SLC6A15: variants seen among roughly 807,000 people sequenced by gnomAD.
SLC6A15 encodes the protein sodium-dependent neutral amino acid transporter B(0)AT2.
Under a neutral mutation model 68.5 loss-of-function variants are expected in SLC6A15, and 33 were observed. The observed-to-expected ratio is 0.48, with a 90% CI of 0.37 to 0.64. SLC6A15 has a LOEUF of 0.64. Among genes scored for constraint, SLC6A15 ranks in the 30% least tolerant of loss-of-function variants. The pLI, the probability that SLC6A15 is intolerant of heterozygous loss-of-function variation, is 0.00. For missense variants in SLC6A15, 747 were observed against 874.3 expected (o/e 0.85, Z 1.84); for synonymous variants, 347 against 301.0 (o/e 1.15, Z -1.58).
At chr12:84,864,774 G>A (rs907144034) in intron 10 of SLC6A15, among the ~76,000 whole-genome samples, 2 of 152,030 alleles carry the variant, frequency 1.3e-5, no homozygotes, top group African/African-American at 4.8e-5. Context: ...TCACAGTTCT[G>A]TGTTCTTTTG....
chr12:84,908,917 T>C (rs1458098330), intron 1 of SLC6A15, among the ~76,000 whole-genome samples: 2 of 152,104 alleles, frequency 1.3e-5, no homozygotes, highest in African/African-American at 4.8e-5. Context: ...AAAAAACTAC[T>C]GTATGATATT....
In SLC6A15 at chr12:84,883,953, C is replaced by A; in HGVS notation, c.662G>T (p.Ser221Ile). The A allele has an allele frequency of 6.2e-7, 1 of 1,614,184 alleles. No homozygotes were observed. The highest frequency in any genetic ancestry group is 8.5e-7 in the Non-Finnish European group (1 of 1,180,022). ...ALNISSSISE[S>I]GGLNWKMTIC... ...GGTCATCTTCCAGTTTAAGCCCCCA[C>A]TTTCAGAAATGGAACTTGAAATATT... Residue 221 changes from serine to isoleucine, a missense_variant, in exon 5 of 12, where the codon AGT becomes ATT. Physicochemically the swap from Ser to Ile is moderately radical, Grantham distance 142. Coordinates refer to ENST00000266682, the MANE Select transcript of SLC6A15 (RefSeq NM_182767.6).
intron 1 of SLC6A15, among the ~76,000 whole-genome samples, chr12:84,893,726 G>C (rs1872522818): frequency 6.6e-6 from 1 of 152,124 alleles, no homozygotes. Context: ...AAAGTGTTGG[G>C]TAACCCAGTG....
intron 8 of SLC6A15, among the ~76,000 whole-genome samples, chr12:84,871,061 A>G (rs533559139): frequency 1.3e-5 from 2 of 151,812 alleles, no homozygotes; most frequent in South Asian, 4.1e-4. Context: ...ATATACAACT[A>G]TTTCTGGCTC....
At chr12:84,888,742 T>C (rs1214679073) in intron 2 of SLC6A15, among the ~76,000 whole-genome samples, 1 of 152,148 alleles carries the variant, frequency 6.6e-6, no homozygotes, top group East Asian at 1.9e-4. Context: ...AAAAATCCAC[T>C]TCTACTCCAA....
intron 8 of SLC6A15, among the ~76,000 whole-genome samples, chr12:84,872,008 A>G (rs980935210): frequency 6.6e-6 from 1 of 152,052 alleles, no homozygotes; most frequent in Non-Finnish European, 1.5e-5. Flanking sequence ...AATTACAAAA[A>G]TTAGCCAGGT....
At chr12:84,889,364 C>T (rs1872274371) in intron 2 of SLC6A15, among the ~76,000 whole-genome samples, 1 of 151,968 alleles carries the variant, frequency 6.6e-6, no homozygotes, top group African/African-American at 2.4e-5. Context: ...GTGGCGGGCG[C>T]CTGCAGTCCC....
chr12:84,879,539 TG>T (rs1871724239), intron 5 of SLC6A15, among the ~76,000 whole-genome samples: 1 of 151,726 alleles, frequency 6.6e-6, no homozygotes, highest in African/African-American at 2.4e-5. Flanking sequence ...TTGCCCAGGC[TG>T]GTCTCAAACT....
chr12:84,869,031 G>T (rs1345665955), intron 9 of SLC6A15, among the ~76,000 whole-genome samples: 2 of 152,118 alleles, frequency 1.3e-5, no homozygotes, highest in African/African-American at 4.8e-5. Context: ...TTAACAGACT[G>T]CTGAAATTAA....
At position 84,872,584 on chromosome 12, in the gene SLC6A15, C is replaced by A. The variant is rs556132036; in HGVS notation, c.1302+18G>T. The stretch of plus-strand genomic sequence containing the variant: ...AGTGAATGATAATTATTTTATTGCT[C>A]AAACATGGCTTACTAACTTTATTTA... On this transcript the variant is annotated intron_variant, in intron 8 of 11. Coordinates refer to ENST00000266682, the MANE Select transcript of SLC6A15 (RefSeq NM_182767.6). The A allele has an allele frequency of 3.8e-6, 6 of 1,592,648 alleles. No individual in the cohort carries two copies. In the South Asian group the frequency reaches 6.8e-5, roughly 18 times the overall value.
rs866768953 is a variant in SLC6A15, at chr12:84,885,554, T to C, written c.455A>G (p.Tyr152Cys). The C allele has an allele frequency of 6.2e-7, 1 of 1,612,502 alleles. No individual in the cohort carries two copies. Residue 152 changes from tyrosine to cysteine, a missense_variant, in exon 4 of 12, where the codon TAT (tyrosine) becomes TGT (cysteine). By Grantham distance (194) the Tyr-to-Cys change is radical. Coordinates refer to ENST00000266682, the MANE Select transcript of SLC6A15 (RefSeq NM_182767.6). ...GIGFASCVVCYFVALYYNVII... is the reference protein window; with the variant it reads ...GIGFASCVVCCFVALYYNVII... ...GACGTTGTAGTAGAGAGCTACAAAA[T>C]AGCACACCTGCAAAATAAAATGATA... is the stretch of plus-strand genomic sequence containing the variant.
At chr12:84,864,320 CTT>C (rs551232166) in intron 10 of SLC6A15, among the ~76,000 whole-genome samples, 55 of 131,718 alleles carry the variant, frequency 4.2e-4, no homozygotes, top group African/African-American at 1.3e-3. Flanking sequence ...TTCTTTCTTT[CTT>C]TTTTTTTTTT....
At chr12:84,869,549 A>G (rs934345254) in intron 9 of SLC6A15, among the ~76,000 whole-genome samples, 1 of 151,376 alleles carries the variant, frequency 6.6e-6, no homozygotes, top group African/African-American at 2.4e-5. Flanking sequence ...ATTTGTATCC[A>G]ATCTTATTTT....
intron 5 of SLC6A15, among the ~76,000 whole-genome samples, chr12:84,878,291 C>A (rs1362580168): frequency 6.6e-6 from 1 of 152,134 alleles, no homozygotes; most frequent in African/African-American, 2.4e-5. Context: ...ATCCTTCACT[C>A]AAATTTTTTG....
At chr12:84,911,991 C>T (rs76574339) in intron 1 of SLC6A15, 1 of 152,338 alleles carries the variant, frequency 6.6e-6, no homozygotes, top group East Asian at 1.9e-4. Context: ...TCGGTAGTCG[C>T]CTTCTGCCTT....
chr12:84,908,169 G>A (rs1008676338), intron 1 of SLC6A15, among the ~76,000 whole-genome samples: 17 of 152,034 alleles, frequency 1.1e-4, no homozygotes, highest in Non-Finnish European at 2.2e-4. Flanking sequence ...ATTACAAAAT[G>A]TTATATTTGC....
chr12:84,905,085 C>A lies in SLC6A15; in HGVS notation c.-189+7438G>T, dbSNP rs565338995. 3.9e-5 allele frequency among the ~76,000 whole-genome samples: 6 copies of A among 152,066 alleles called. No individual in the cohort carries two copies. In the South Asian group the frequency reaches 1.2e-3, roughly 32 times the overall value. On this transcript the variant is annotated intron_variant, in intron 1 of 11. Transcript: ENST00000266682. The stretch of plus-strand genomic sequence containing the variant: ...TTATGAAAGCAGTATTACTCAGGTA[C>A]CAAAACCAGGCAAAGATCATAGTAA...
intron 6 of SLC6A15, among the ~76,000 whole-genome samples, chr12:84,873,872 G>C (rs1871399719): frequency 6.6e-6 from 1 of 152,068 alleles, no homozygotes; most frequent in Non-Finnish European, 1.5e-5. Context: ...ATTTTTCTTT[G>C]AAAATTGAAG....
chr12:84,898,299 C>T (rs1872714697), intron 1 of SLC6A15, among the ~76,000 whole-genome samples: 1 of 152,162 alleles, frequency 6.6e-6, no homozygotes, highest in Non-Finnish European at 1.5e-5. Context: ...GAGATTGTAC[C>T]ACTGCACTCC....
Sources: gnomAD v4.1 joint callset for allele counts (sites outside exome capture counted in the v4.1 genomes callset) on GRCh38, gnomAD v4.1.1 for gene constraint, MANE v1.5 for transcripts, NCBI Gene and HGNC (gene_info 2026-07-23, HGNC 2026-07-21) for gene names.